PTPN14: variants seen among roughly 807,000 people sequenced by gnomAD.
PTPN14 encodes the protein tyrosine-protein phosphatase non-receptor type 14.
Under a neutral mutation model 126.8 loss-of-function variants are expected in PTPN14, and 53 were observed. The observed-to-expected ratio is 0.42, with a 90% CI of 0.34 to 0.53. The LOEUF (loss-of-function observed/expected upper bound fraction) is 0.53, where lower values mean the gene tolerates loss of function less well. Among genes scored for constraint, PTPN14 ranks in the 20% least tolerant of loss-of-function variants. The probability of loss-of-function intolerance (pLI) is 0.08; values close to 1 mark genes in which losing one functional copy is unlikely to be tolerated. For synonymous variants in PTPN14, 630 were observed against 599.3 expected (o/e 1.05, Z -0.75); for missense variants, 1,257 against 1,552.9 (o/e 0.81, Z 3.20).
At chr1:214,497,628 AC>A (rs200793461) in intron 1 of PTPN14, among the ~76,000 whole-genome samples, 2 of 145,486 alleles carry the variant, frequency 1.4e-5, no homozygotes, top group East Asian at 4.1e-4. Flanking sequence ...GTGCAAAGGT[AC>A]AAAACATTTA....
At chr1:214,416,058 T>C (rs1160827315) in intron 3 of PTPN14, among the ~76,000 whole-genome samples, 4 of 152,236 alleles carry the variant, frequency 2.6e-5, no homozygotes, top group Admixed American at 2.6e-4. Context: ...TTTGACTTAT[T>C]TGCTGCTCTC....
intron 4 of PTPN14, 138 bp downstream of exon 4, chr1:214,414,491 C>A (rs551126868): frequency 1.2e-6 from 1 of 831,462 alleles, no homozygotes; most frequent in South Asian, 1.8e-5. Context: ...GCATTTTTCA[C>A]GTAAGATAAC....
chr1:214,506,084 A>C (rs1654836154), intron 1 of PTPN14, among the ~76,000 whole-genome samples: 1 of 152,230 alleles, frequency 6.6e-6, no homozygotes. Context: ...AGGGAAGCCA[A>C]GGACAATTCC....
At chr1:214,481,891 G>A (rs1660996634) in intron 1 of PTPN14, among the ~76,000 whole-genome samples, 1 of 151,672 alleles carries the variant, frequency 6.6e-6, no homozygotes, top group Non-Finnish European at 1.5e-5. Context: ...GGAGGCTGAG[G>A]CAGGAGAATG....
At chr1:214,514,175 C>T (rs1181306405) in intron 1 of PTPN14, among the ~76,000 whole-genome samples, 2 of 152,106 alleles carry the variant, frequency 1.3e-5, no homozygotes, top group Admixed American at 1.3e-4. Flanking sequence ...GAGCAGCGGG[C>T]AGAGTCAACA....
chr1:214,490,786 G>A (rs774867405), intron 1 of PTPN14, among the ~76,000 whole-genome samples: 4 of 145,402 alleles, frequency 2.8e-5, no homozygotes, highest in African/African-American at 7.7e-5. Flanking sequence ...GCAGTGAGCC[G>A]AGATTGCGCC....
Position 214,377,795 on chromosome 1 carries a change from A to C in PTPN14, c.2688+164T>G, listed in dbSNP as rs115818235. Among the ~76,000 whole-genome samples, 531 of 152,244 alleles carry C rather than the reference A, an allele frequency of 3.5e-3. 5 individuals are homozygous for C. Among genetic ancestry groups the C allele is most frequent in the African/African-American group, 0.012 (514 of 41,550 alleles). The stretch of plus-strand genomic sequence containing the variant: ...GGAATGGAGAAACATGAGATGCTGA[A>C]AGGGACTGATTTAATGCAACACAGT... On this transcript the variant is annotated intron_variant, in intron 14 of 18. Coordinates refer to ENST00000366956, the MANE Select transcript of PTPN14 (RefSeq NM_005401.5).
intron 1 of PTPN14, among the ~76,000 whole-genome samples, chr1:214,546,224 C>A (rs750939907): frequency 6.6e-6 from 1 of 152,202 alleles, no homozygotes; most frequent in African/African-American, 2.4e-5. Flanking sequence ...CTACCTTAAA[C>A]GTGCTGAATC....
chr1:214,520,065 A>AAAAAAAAAAATATATATATATAT, intron 1 of PTPN14, among the ~76,000 whole-genome samples: 2 of 71,110 alleles, frequency 2.8e-5, no homozygotes, highest in Admixed American at 1.6e-4. Context: ...AAAAAAAAAA[A>AAAAAAAAAAATATATATATATAT]ATATATATAT....
intron 1 of PTPN14, among the ~76,000 whole-genome samples, chr1:214,489,073 T>C (rs1661176126): frequency 6.6e-6 from 1 of 152,184 alleles, no homozygotes; most frequent in African/African-American, 2.4e-5. Flanking sequence ...GGGCCTTGAC[T>C]ACCTAAATAA....
intron 1 of PTPN14, among the ~76,000 whole-genome samples, chr1:214,503,963 T>G (rs1654769027): frequency 6.6e-6 from 1 of 152,172 alleles, no homozygotes; most frequent in Non-Finnish European, 1.5e-5. Context: ...AGGGCTTTCT[T>G]GTGATGGAGA....
chr1:214,490,112 C>T (rs765842516), intron 1 of PTPN14, among the ~76,000 whole-genome samples: 1 of 152,200 alleles, frequency 6.6e-6, no homozygotes, highest in Non-Finnish European at 1.5e-5. Context: ...AGGCTTTGAG[C>T]AAGTACAAAG....
chr1:214,516,823 C>T (rs1047171072), intron 1 of PTPN14, among the ~76,000 whole-genome samples: 4 of 152,062 alleles, frequency 2.6e-5, no homozygotes, highest in Non-Finnish European at 4.4e-5. Flanking sequence ...ACAGAAAAGG[C>T]ACACACATTC....
intron 1 of PTPN14, among the ~76,000 whole-genome samples, chr1:214,465,827 G>T (rs1040453624): frequency 6.6e-6 from 1 of 151,432 alleles, no homozygotes; most frequent in Admixed American, 6.6e-5. Flanking sequence ...CTCACTCTTT[G>T]TAACACTGCC....
chr1:214,531,386 G>A (rs1191653245), intron 1 of PTPN14: 1 of 152,120 alleles, frequency 6.6e-6, no homozygotes, highest in Non-Finnish European at 1.5e-5. Flanking sequence ...GGATTCTTCC[G>A]TTCTGAGGAT....
intron 3 of PTPN14, among the ~76,000 whole-genome samples, chr1:214,416,031 C>T (rs1381737608): frequency 2.0e-5 from 3 of 152,198 alleles, no homozygotes; most frequent in Admixed American, 1.3e-4. Flanking sequence ...CATTCCTTCT[C>T]ATCTTTCTGG....
intron 3 of PTPN14, among the ~76,000 whole-genome samples, chr1:214,416,746 G>A (rs1659434310): frequency 6.6e-6 from 1 of 152,164 alleles, no homozygotes; most frequent in African/African-American, 2.4e-5. Flanking sequence ...CTGCAGAAAC[G>A]AGAATGAAAT....
At chr1:214,446,561 A>T (rs1237659369) in intron 3 of PTPN14, among the ~76,000 whole-genome samples, 1 of 152,214 alleles carries the variant, frequency 6.6e-6, no homozygotes, top group Non-Finnish European at 1.5e-5. Context: ...TTATTAAACA[A>T]TTTGCAATCA....
At chr1:214,372,901 C>A in intron 15 of PTPN14, 62 bp from the exon 16 acceptor site, 2 of 1,597,798 alleles carry the variant, frequency 1.3e-6, no homozygotes, top group South Asian at 1.1e-5. Context: ...ACCTGCTGAT[C>A]ACCTGTCCAT....
Sources: gnomAD v4.1 joint callset for allele counts (sites outside exome capture counted in the v4.1 genomes callset) on GRCh38, gnomAD v4.1.1 for gene constraint, MANE v1.5 for transcripts, NCBI Gene and HGNC (gene_info 2026-07-23, HGNC 2026-07-21) for gene names.